KIAA0825: variants seen among roughly 807,000 people sequenced by gnomAD.
KIAA0825 encodes the protein uncharacterized protein KIAA0825.
KIAA0825 carries 119 observed loss-of-function variants against 147.6 expected under a neutral mutation model. That is an observed-to-expected ratio of 0.81 (90% confidence interval 0.69 to 0.94). KIAA0825 has a LOEUF of 0.94. KIAA0825 is among the 40% of genes least tolerant of loss of function. The probability of loss-of-function intolerance (pLI) is 0.00; values close to 1 mark genes in which losing one functional copy is unlikely to be tolerated. For synonymous variants in KIAA0825, 470 were observed against 518.1 expected (o/e 0.91, Z 1.26); for missense variants, 1,381 against 1,472.7 (o/e 0.94, Z 1.02).
intron 20 of KIAA0825, among the ~76,000 whole-genome samples, chr5:94,298,150 G>C (rs1310485161): frequency 6.6e-6 from 1 of 151,838 alleles, no homozygotes; most frequent in African/African-American, 2.4e-5. Context: ...GGGAGGCTGA[G>C]GCAAGGAGAA....
At chr5:94,237,660 A>T (rs1451216797) in intron 20 of KIAA0825, among the ~76,000 whole-genome samples, 1 of 152,144 alleles carries the variant, frequency 6.6e-6, no homozygotes, top group Non-Finnish European at 1.5e-5. Context: ...GATGGACTCC[A>T]TATCTTGGAC....
chr5:94,474,247 G>A (rs1761577310), intron 7 of KIAA0825, among the ~76,000 whole-genome samples: 1 of 152,048 alleles, frequency 6.6e-6, no homozygotes, highest in Admixed American at 6.6e-5. Context: ...TTTTCCTTTG[G>A]TCTATGGCTC....
At chr5:94,368,326 C>T (rs992564660) in intron 20 of KIAA0825, among the ~76,000 whole-genome samples, 22 of 152,238 alleles carry the variant, frequency 1.4e-4, no homozygotes, top group Non-Finnish European at 2.8e-4. Context: ...GTGTGCACCA[C>T]GACACCCAAT....
At chr5:94,226,858 C>G (rs1460886620) in intron 20 of KIAA0825, among the ~76,000 whole-genome samples, 1 of 151,334 alleles carries the variant, frequency 6.6e-6, no homozygotes, top group East Asian at 2.0e-4. Context: ...TACCATCTCA[C>G]GCCAGTTAGA....
At chr5:94,580,949 T>C (rs188465573) in intron 2 of KIAA0825, among the ~76,000 whole-genome samples, 4 of 144,304 alleles carry the variant, frequency 2.8e-5, no homozygotes, top group Middle Eastern at 3.5e-3. Flanking sequence ...TTTACTTTCA[T>C]TTTACTTTCT....
intron 20 of KIAA0825, among the ~76,000 whole-genome samples, chr5:94,244,482 A>G (rs1030809352): frequency 6.6e-6 from 1 of 152,026 alleles, no homozygotes; most frequent in African/African-American, 2.4e-5. Context: ...ACAGGTGTGC[A>G]CCACCATGCC....
At chr5:94,578,836 C>A (rs1439227878) in intron 2 of KIAA0825, among the ~76,000 whole-genome samples, 1 of 152,074 alleles carries the variant, frequency 6.6e-6, no homozygotes, top group African/African-American at 2.4e-5. Flanking sequence ...GTAGCAAGTT[C>A]CTGGGTGATG....
At chr5:94,212,796 C>A (rs1182395778) in intron 20 of KIAA0825, among the ~76,000 whole-genome samples, 1 of 152,170 alleles carries the variant, frequency 6.6e-6, no homozygotes, top group East Asian at 1.9e-4. Flanking sequence ...AACAAATCTG[C>A]TTTCTACCCT....
intron 20 of KIAA0825, among the ~76,000 whole-genome samples, chr5:94,324,322 G>T (rs529706400): frequency 2.6e-5 from 4 of 152,080 alleles, no homozygotes; most frequent in African/African-American, 9.6e-5. Flanking sequence ...TTATTGAAAT[G>T]GATTCAGTTT....
chr5:94,238,594 T>G (rs1775186322), intron 20 of KIAA0825, among the ~76,000 whole-genome samples: 2 of 152,190 alleles, frequency 1.3e-5, no homozygotes, highest in Non-Finnish European at 2.9e-5. Flanking sequence ...ACTGAAAAAT[T>G]TTAGTCATTT....
intron 20 of KIAA0825, among the ~76,000 whole-genome samples, chr5:94,215,015 C>T (rs2150051636): frequency 6.6e-6 from 1 of 152,264 alleles, no homozygotes; most frequent in South Asian, 2.1e-4. Context: ...TATTCATATT[C>T]ATTAATGAAA....
At chr5:94,429,865 C>T (rs1389054901) in intron 14 of KIAA0825, among the ~76,000 whole-genome samples, 1 of 152,202 alleles carries the variant, frequency 6.6e-6, no homozygotes, top group East Asian at 1.9e-4. Flanking sequence ...ATGGCCTAAA[C>T]TTGTAATCTA....
intron 14 of KIAA0825, among the ~76,000 whole-genome samples, chr5:94,426,971 G>A (rs924408335): frequency 8.5e-5 from 13 of 152,128 alleles, no homozygotes; most frequent in Admixed American, 4.6e-4. Context: ...AGAAAAGATA[G>A]TACTTTTTCT....
At chr5:94,517,243 G>A (rs1767413305) in intron 5 of KIAA0825, among the ~76,000 whole-genome samples, 1 of 151,960 alleles carries the variant, frequency 6.6e-6, no homozygotes, top group Non-Finnish European at 1.5e-5. Flanking sequence ...TCTTTTTTTG[G>A]CTTACTATCT....
intron 20 of KIAA0825, among the ~76,000 whole-genome samples, chr5:94,356,236 A>G (rs1409744525): frequency 6.6e-6 from 1 of 152,194 alleles, no homozygotes; most frequent in Non-Finnish European, 1.5e-5. Flanking sequence ...ATTAGCTTCC[A>G]GTTGTGCAAA....
At chr5:94,298,532 G>T (rs936257639) in intron 20 of KIAA0825, among the ~76,000 whole-genome samples, 1 of 152,148 alleles carries the variant, frequency 6.6e-6, no homozygotes, top group African/African-American at 2.4e-5. Context: ...TTCATTTCGG[G>T]ATGGAAAAAA....
At chr5:94,184,206 G>A (rs1354936078) in intron 20 of KIAA0825, among the ~76,000 whole-genome samples, 1 of 152,184 alleles carries the variant, frequency 6.6e-6, no homozygotes, top group Non-Finnish European at 1.5e-5. Flanking sequence ...TTTTCCTAGA[G>A]ATGTTAAGGA....
chr5:94,537,183 T>A, intron 2 of KIAA0825, 56 bp from the exon 3 acceptor site: 1 of 1,420,754 alleles, frequency 7.0e-7, no homozygotes, highest in Non-Finnish European at 9.5e-7. Context: ...TGGCCAGGGA[T>A]AGGGGTGGGC....
chr5:94,154,912 TCTC>T (rs934537866), intron 20 of KIAA0825, among the ~76,000 whole-genome samples: 2 of 152,112 alleles, frequency 1.3e-5, no homozygotes, highest in Non-Finnish European at 1.5e-5. Context: ...ACAGTTTCCT[TCTC>T]CTATCCTCAC....
Sources: gnomAD v4.1 joint callset for allele counts (sites outside exome capture counted in the v4.1 genomes callset) on GRCh38, gnomAD v4.1.1 for gene constraint, MANE v1.5 for transcripts, NCBI Gene and HGNC (gene_info 2026-07-23, HGNC 2026-07-21) for gene names.